The following KCNAB2 variants were observed in gnomAD, a reference collection of about 807,000 sequenced individuals.
KCNAB2 encodes voltage-gated potassium channel subunit beta-2.
KCNAB2 carries 29 observed loss-of-function variants against 63.6 expected under a neutral mutation model. The observed-to-expected ratio is 0.46, with a 90% CI of 0.34 to 0.62. The LOEUF (loss-of-function observed/expected upper bound fraction) is 0.62. Ranked by LOEUF, KCNAB2 falls within the 20% of genes least tolerant of loss-of-function variation. KCNAB2 has a pLI of 0.01. For synonymous variants in KCNAB2, 222 were observed against 224.2 expected, an observed-to-expected ratio of 0.99 and a Z score of 0.09; for missense variants, 359 against 563.9, an observed-to-expected ratio of 0.64 and a Z score of 3.68.
intron 2 of KCNAB2, among the ~76,000 whole-genome samples, chr1:6,066,426 T>C (rs1197903144): frequency 6.6e-6 from 1 of 152,208 alleles, no homozygotes; most frequent in Non-Finnish European, 1.5e-5. Flanking sequence ...GGGCTGTGCT[T>C]AGTGCTTGGT....
In KCNAB2 at chr1:6,074,283, T is replaced by G. The variant is rs534725196; in HGVS notation, c.300+513T>G. 6.6e-6 allele frequency among the ~76,000 whole-genome samples: 1 copy of G among 152,280 alleles called. No individual in the cohort carries two copies. The highest frequency in any genetic ancestry group is 2.1e-4 in the South Asian group (1 of 4,828). On this transcript the variant is annotated intron_variant, in intron 4 of 15. Transcript: ENST00000378083. This position sits in a 1 kb window ranked among gnomAD's most constrained non-coding sequence, Gnocchi z 4.9. The stretch of plus-strand genomic sequence containing the variant: ...CTGCCGCGAACCGTGCGGATCGCAG[T>G]CAGATGTATTTGCTGGGGCTCATGT...
At chr1:6,045,278 C>T (rs188724258), upstream of KCNAB2, among the ~76,000 whole-genome samples, 514 of 152,284 alleles carry the variant, frequency 3.4e-3, 1 homozygote, top group Non-Finnish European at 5.0e-3. The surrounding 1 kb of genome is among the most constrained non-coding windows in gnomAD (Gnocchi z 4.8). Flanking sequence ...CTTTCTCAGC[C>T]GGAAGATGAT....
intron 2 of KCNAB2, among the ~76,000 whole-genome samples, chr1:6,057,331 G>C (rs1288643469): frequency 6.6e-6 from 1 of 152,114 alleles, no homozygotes; most frequent in South Asian, 2.1e-4. Flanking sequence ...TTGGTTGCCA[G>C]GTTCATTGAG....
At chr1:6,083,286 G>A (rs1430740871) in intron 5 of KCNAB2, among the ~76,000 whole-genome samples, 1 of 152,154 alleles carries the variant, frequency 6.6e-6, no homozygotes, top group Non-Finnish European at 1.5e-5. Context: ...CTCCCGTCCC[G>A]AGCCCCCCAC....
chr1:6,099,724 AC>A lies in KCNAB2; in HGVS notation c.*1155del. On this transcript the variant is annotated 3_prime_UTR_variant, in exon 16 of 16. Transcript: ENST00000378083. ...GACTTGGGGGCTGCACCCCCACAGC[AC>A]CCCCACAATGTAGGAAAAGACCTCA... The A allele has an allele frequency of 1.4e-6, 2 of 1,438,944 alleles. No individual in the cohort carries two copies. The highest frequency in any genetic ancestry group is 1.8e-6 in the Non-Finnish European group (2 of 1,092,858). The allele number at this position is 1,438,944 out of a possible 1,614,324, so 89.1% of individuals were successfully genotyped here.
chr1:6,096,679 G>A lies in KCNAB2; in HGVS notation c.992G>A (p.Arg331Gln), dbSNP rs761813275. 1.4e-4 allele frequency: 230 copies of A among 1,608,366 alleles called. No individual in the cohort carries two copies. Among genetic ancestry groups the A allele is most frequent in the Non-Finnish European group, 1.9e-4 (223 of 1,178,548 alleles). The change falls in exon 14 of 16, where the codon CGG (arginine) becomes CAG (glutamine). Residue 331 changes from arginine to glutamine, a missense_variant. By Grantham distance (43) the Arg-to-Gln change is conservative. This residue lies in a region of KCNAB2 where 271 missense variants were observed against 476.1 expected (regional missense o/e 0.57). Transcript: ENST00000378083. The surrounding 1 kb of genome is among the most constrained non-coding windows in gnomAD (Gnocchi z 5.9). ...LKDKILSEEG[R>Q]RQQAKLKELQ... is the part of the protein sequence containing the mutation. ...GACAAGATCCTCAGTGAGGAGGGCC[G>A]GCGCCAGCAAGCCAAGCTGAAGGAG... is the stretch of plus-strand genomic sequence containing the variant.
chr1:6,091,509 C>G (rs927037289), intron 10 of KCNAB2, among the ~76,000 whole-genome samples: 1 of 152,220 alleles, frequency 6.6e-6, no homozygotes, highest in South Asian at 2.1e-4. Context: ...CCCAGCCCCC[C>G]ATCCCCTCGT....
intron 1 of KCNAB2, among the ~76,000 whole-genome samples, chr1:6,047,059 C>T (rs1258180350): frequency 1.3e-5 from 2 of 152,306 alleles, no homozygotes; most frequent in East Asian, 1.9e-4. Flanking sequence ...GTGGGTTCCA[C>T]GTAATTAGCA....
At position 6,096,750 on chromosome 1, in the gene KCNAB2, G is replaced by T; in HGVS notation, c.1063G>T (p.Ala355Ser). The T allele has an allele frequency of 6.3e-7, 1 of 1,580,120 alleles. No homozygotes were observed. Among genetic ancestry groups the T allele is most frequent in the Non-Finnish European group, 8.6e-7 (1 of 1,163,008 alleles). Residue 355 changes from alanine (A) to serine (S), a missense_variant, in exon 14 of 16, where the codon GCC (alanine) becomes TCC (serine). By Grantham distance (99) the Ala-to-Ser change is moderately conservative. This residue lies in a region of KCNAB2 where 271 missense variants were observed against 476.1 expected (regional missense o/e 0.57). Transcript: ENST00000378083. The surrounding 1 kb of genome is among the most constrained non-coding windows in gnomAD (Gnocchi z 5.9). ...CCTGGGCTGCACCCTGCCCCAGCTG[G>T]CCATAGGTAACGGTGGGGTCGCCAT... Reference protein sequence around the residue: ...ERLGCTLPQLAIAWCLRNEGV... With the variant: ...ERLGCTLPQLSIAWCLRNEGV...
chr1:6,085,314 C>A (rs1423554147), intron 6 of KCNAB2, 66 bp downstream of exon 6: 2 of 1,443,334 alleles, frequency 1.4e-6, no homozygotes, highest in Non-Finnish European at 1.9e-6. Flanking sequence ...CAGGGTCAGC[C>A]TCGTCGGCCT....
intron 2 of KCNAB2, among the ~76,000 whole-genome samples, chr1:6,060,896 C>T (rs1447792740): frequency 3.2e-4 from 39 of 123,394 alleles, no homozygotes; most frequent in Non-Finnish European, 5.3e-4. Flanking sequence ...AGCAAGACTC[C>T]GTCTCAAAAA....
At chr1:6,098,093 G>T (rs906488109) in intron 15 of KCNAB2, 3 of 935,448 alleles carry the variant, frequency 3.2e-6, no homozygotes, top group Non-Finnish European at 3.9e-6. Flanking sequence ...AAGGCGAGGT[G>T]GAAGTCGGTC....
intron 1 of KCNAB2, among the ~76,000 whole-genome samples, chr1:6,012,769 A>G (rs1193568047): frequency 6.6e-6 from 1 of 150,768 alleles, no homozygotes; most frequent in Non-Finnish European, 1.5e-5. Flanking sequence ...ACAGAGATAG[A>G]GATGATTGAG....
At chr1:6,046,375 G>C (rs867591158) in intron 1 of KCNAB2, among the ~76,000 whole-genome samples, 192 bp downstream of exon 1, 2 of 152,220 alleles carry the variant, frequency 1.3e-5, no homozygotes, top group Non-Finnish European at 2.9e-5. Context: ...TGGAATGACC[G>C]TGATGGATGG....
rs573127088 is a variant in KCNAB2, at chr1:6,046,316, G to A, written c.-27+133G>A. On this transcript the variant is annotated intron_variant, in intron 1 of 15. Transcript: ENST00000378083. ...TCTGATCCGGAATTAGACCCTCCGT[G>A]TTTTTGCAAAGCAGAAGACCTTAAA... The A allele has an allele frequency of 2.4e-4, 133 of 554,740 alleles. 3 individuals carry two copies. In the South Asian group the frequency reaches 9.5e-3, roughly 40 times the overall value. 34.4% of individuals were successfully genotyped at this position (554,740 alleles called of 1,614,324 possible). A position where few individuals can be genotyped will look rare whatever the true frequency, so the allele number is the denominator to read the frequency against.
chr1:6,072,777 C>T lies in KCNAB2; in HGVS notation c.241C>T (p.Arg81Trp). Residue 81 changes from arginine (R) to tryptophan (W), a missense_variant, in exon 3 of 16, where the codon CGG becomes TGG. By Grantham distance (101) the Arg-to-Trp change is moderately radical. This residue lies in a region of KCNAB2 where 271 missense variants were observed against 476.1 expected (regional missense o/e 0.57). Coordinates refer to ENST00000378083, the MANE Select transcript of KCNAB2 (RefSeq NM_001199862.2). ...KYRNLGKSGL[R>W]VSCLGLGTWV... ...CAGGAACCTGGGCAAGTCTGGCCTG[C>T]GGGTCTCCTGCCTGGGACTTGGTGA... 1.9e-6 allele frequency: 3 copies of T among 1,613,836 alleles called. No homozygotes were observed. Among genetic ancestry groups the T allele is most frequent in the South Asian group, 1.1e-5 (1 of 91,064 alleles).
chr1:6,026,442 G>T (rs190848401), intron 1 of KCNAB2: 2 of 152,474 alleles, frequency 1.3e-5, no homozygotes, highest in African/African-American at 4.8e-5. Context: ...CCGTTCAGGA[G>T]CAGGTACCTG....
At chr1:6,079,529 A>T (rs937452193) in intron 4 of KCNAB2, among the ~76,000 whole-genome samples, 1 of 152,002 alleles carries the variant, frequency 6.6e-6, no homozygotes, top group Non-Finnish European at 1.5e-5. Context: ...CCAAAAAAAA[A>T]AAATAACCCC....
chr1:6,059,819 AAGG>A (rs1274369938), intron 2 of KCNAB2, among the ~76,000 whole-genome samples: 4 of 151,870 alleles, frequency 2.6e-5, no homozygotes, highest in Non-Finnish European at 4.4e-5. Flanking sequence ...GAGCAAGAGG[AAGG>A]AGGAGGAACT....
Sources: gnomAD v4.1 joint callset for allele counts (sites outside exome capture counted in the v4.1 genomes callset) on GRCh38, gnomAD v4.1.1 for gene constraint, gnomAD v4.1.1 regional missense constraint, Gnocchi (gnomAD v3.1) non-coding constraint, MANE v1.5 for transcripts, NCBI Gene and HGNC (gene_info 2026-07-23, HGNC 2026-07-21) for gene names.